TMEM229B: variants seen among roughly 807,000 people sequenced by gnomAD.
TMEM229B encodes chromosome 14 open reading frame 83.
TMEM229B carries 6 observed loss-of-function variants against 13.7 expected under a neutral mutation model. The ratio of observed to expected loss-of-function variants is 0.44; its 90% confidence interval spans 0.24 to 0.86. TMEM229B has a LOEUF of 0.86. Among genes scored for constraint, TMEM229B ranks in the 40% least tolerant of loss-of-function variants. The pLI, the probability that TMEM229B is intolerant of heterozygous loss-of-function variation, is 0.23. For missense variants in TMEM229B, 170 were observed against 236.0 expected (o/e 0.72, Z 1.83); for synonymous variants, 107 against 102.1 (o/e 1.05, Z -0.29).
intron 1 of TMEM229B, among the ~76,000 whole-genome samples, chr14:67,528,229 G>A (rs931050249): frequency 6.6e-6 from 1 of 152,164 alleles, no homozygotes; most frequent in African/African-American, 2.4e-5. Context: ...CAAGAACTGA[G>A]CTAGGTGCCA....
intron 1 of TMEM229B, among the ~76,000 whole-genome samples, chr14:67,529,231 C>T (rs2033410938): frequency 6.6e-6 from 1 of 152,202 alleles, no homozygotes. Context: ...CATCCGCTGC[C>T]TGGCTCTCTC....
chr14:67,496,411 T>TTTTTTTTTG (rs2032380497), intron 1 of TMEM229B, among the ~76,000 whole-genome samples: 1 of 134,386 alleles, frequency 7.4e-6, no homozygotes, highest in East Asian at 2.2e-4. Flanking sequence ...TTTTTTTTTT[T>TTTTTTTTTG]TTTTTTTTTT....
intron 1 of TMEM229B, among the ~76,000 whole-genome samples, chr14:67,512,839 AG>A (rs1333567415): frequency 2.0e-5 from 3 of 152,290 alleles, no homozygotes; most frequent in Non-Finnish European, 2.9e-5. Flanking sequence ...CAGAAAAAAA[AG>A]CTTGCTGCCT....
intron 1 of TMEM229B, among the ~76,000 whole-genome samples, chr14:67,508,443 T>C (rs2032906890): frequency 6.6e-6 from 1 of 151,608 alleles, no homozygotes; most frequent in Non-Finnish European, 1.5e-5. Flanking sequence ...ACGCCCAGAG[T>C]CACTGAGCTG....
Position 67,474,219 on chromosome 14 carries a change from T to C in TMEM229B, c.-18-278A>G, listed in dbSNP as rs1175416594. On this transcript the variant is annotated intron_variant, in intron 2 of 2. Transcript: ENST00000554480. ...GTGAGCCAAGATTGCGCCACTGCAC[T>C]CCAGCCTGGGAGACAGAGTGAGACT... Among the ~76,000 whole-genome samples the C allele has an allele frequency of 2.0e-5, 3 of 149,960 alleles. No homozygotes were observed. The East Asian group carries it at 5.9e-4, about 29-fold the overall frequency.
intron 1 of TMEM229B, among the ~76,000 whole-genome samples, chr14:67,513,287 T>A (rs1025428175): frequency 2.0e-5 from 3 of 152,038 alleles, no homozygotes; most frequent in Non-Finnish European, 4.4e-5. Flanking sequence ...GGGAATTGAG[T>A]GAAATCAATC....
In TMEM229B at chr14:67,505,854, C is replaced by T. The variant is rs545974853; in HGVS notation, c.-192+9232G>A. On this transcript the variant is annotated intron_variant, in intron 1 of 2. Coordinates refer to the TMEM229B transcript ENST00000357461. ...CCCTGGGATTACAGGCGCCCGCCAC[C>T]ATGCCTATCTAATTTTTGTATTTTT... Among the ~76,000 whole-genome samples, 303 of 152,242 alleles carry T rather than the reference C, an allele frequency of 2.0e-3. 4 individuals are homozygous for T. Among genetic ancestry groups the T allele is most frequent in the Non-Finnish European group, 2.4e-3 (166 of 68,016 alleles).
rs1352676453 is a variant in TMEM229B, at chr14:67,471,938, G to A, written c.*1482C>T. 2.6e-5 allele frequency: 4 copies of A among 152,304 alleles called. No homozygotes were observed. The highest frequency in any genetic ancestry group is 4.1e-4 in the South Asian group (2 of 4,840). The allele number at this position is 152,304 out of a possible 1,614,324, so 9.4% of individuals were successfully genotyped here. A position where few individuals can be genotyped will look rare whatever the true frequency, so the allele number is the denominator to read the frequency against. Reference sequence around the variant, plus strand: ...ACCATGGGGTGGGCCACTTTCTAACGGACCCTTCCCCTTGAGGAGTGAGAG... The same window carrying A: ...ACCATGGGGTGGGCCACTTTCTAACAGACCCTTCCCCTTGAGGAGTGAGAG... On this transcript the variant is annotated 3_prime_UTR_variant, in exon 3 of 3. Coordinates refer to ENST00000554480, the MANE Select transcript of TMEM229B (RefSeq NM_001348543.2).
At chr14:67,525,573 G>T (rs912628099) in intron 1 of TMEM229B, among the ~76,000 whole-genome samples, 4 of 152,176 alleles carry the variant, frequency 2.6e-5, no homozygotes, top group African/African-American at 9.7e-5. Flanking sequence ...AAGAAAGGAC[G>T]CAAGAATCAC....
upstream of TMEM229B, among the ~76,000 whole-genome samples, chr14:67,517,577 G>T (rs993000946): frequency 6.6e-6 from 1 of 152,160 alleles, no homozygotes; most frequent in South Asian, 2.1e-4. Flanking sequence ...TCAGAAAGAA[G>T]GGTTAAGATC....
upstream of TMEM229B, among the ~76,000 whole-genome samples, chr14:67,516,397 GA>G (rs33955439): frequency 0.4 from 60,216 of 149,170 alleles, 12,976 homozygotes; most frequent in East Asian, 0.48. Context: ...CCTAGCTGGA[GA>G]GGGGGGGAAA....
In TMEM229B at chr14:67,513,122, G is replaced by A. The variant is rs370218707; in HGVS notation, c.-192+1964C>T. ...CACTTCAAAACAGGAAGTTAGGAGA[G>A]TATCAATTTCCCATCTTAAGGTCAG... On this transcript the variant is annotated intron_variant, in intron 1 of 2. Coordinates refer to the TMEM229B transcript ENST00000357461. Among the ~76,000 whole-genome samples, 11 of 152,290 alleles carry A rather than the reference G, an allele frequency of 7.2e-5. No individual in the cohort carries two copies. In the East Asian group the frequency reaches 2.1e-3, roughly 29 times the overall value.
At chr14:67,525,077 T>TTC (rs1309047148) in intron 1 of TMEM229B, among the ~76,000 whole-genome samples, 4 of 152,160 alleles carry the variant, frequency 2.6e-5, no homozygotes, top group African/African-American at 9.7e-5. Flanking sequence ...TTTAATAGCT[T>TTC]TATTAGAAAA....
chr14:67,520,026 A>G (rs1705737865), upstream of TMEM229B, among the ~76,000 whole-genome samples: 1 of 152,016 alleles, frequency 6.6e-6, no homozygotes, highest in Non-Finnish European at 1.5e-5. Context: ...CCTGACCTAG[A>G]CTTTATTTTT....
chr14:67,501,575 C>T (rs1036283849), intron 1 of TMEM229B, among the ~76,000 whole-genome samples: 4 of 152,176 alleles, frequency 2.6e-5, no homozygotes, highest in African/African-American at 9.6e-5. Flanking sequence ...GCCATGGCCA[C>T]AGGCTATAGT....
At chr14:67,500,166 A>AAAAT (rs534190274) in intron 1 of TMEM229B, among the ~76,000 whole-genome samples, 25 of 152,212 alleles carry the variant, frequency 1.6e-4, no homozygotes, top group African/African-American at 5.8e-4. Context: ...CCTGTCTCTT[A>AAAAT]AAATAAATAA....
At chr14:67,518,281 C>T (rs2033238405), upstream of TMEM229B, among the ~76,000 whole-genome samples, 1 of 152,330 alleles carries the variant, frequency 6.6e-6, no homozygotes, top group South Asian at 2.1e-4. Flanking sequence ...GTTTTGAGTT[C>T]AGACTCTCCA....
chr14:67,523,899 G>A (rs1256191583), intron 1 of TMEM229B, among the ~76,000 whole-genome samples: 3 of 133,574 alleles, frequency 2.2e-5, no homozygotes, highest in African/African-American at 8.1e-5. Flanking sequence ...ACCTCTCTAG[G>A]GAATACAGTA....
At chr14:67,511,624 G>T (rs898659050) in intron 1 of TMEM229B, among the ~76,000 whole-genome samples, 2 of 152,236 alleles carry the variant, frequency 1.3e-5, no homozygotes, top group Admixed American at 1.3e-4. Context: ...TGCCAGACTG[G>T]ATTGTGATCC....
Sources: gnomAD v4.1 joint callset for allele counts (sites outside exome capture counted in the v4.1 genomes callset) on GRCh38, gnomAD v4.1.1 for gene constraint, MANE v1.5 for transcripts, NCBI Gene and HGNC (gene_info 2026-07-23, HGNC 2026-07-21) for gene names.